The following TMOD1 variants were observed in gnomAD, a reference collection of about 807,000 sequenced individuals.
The protein encoded by TMOD1 is tropomodulin 1, also known as tropomodulin-1.
TMOD1 carries 17 observed loss-of-function variants against 40.6 expected under a neutral mutation model. The ratio of observed to expected loss-of-function variants is 0.42; its 90% CI spans 0.29 to 0.63. The LOEUF (loss-of-function observed/expected upper bound fraction) is 0.63. Among genes scored for constraint, TMOD1 ranks in the 20% least tolerant of loss-of-function variants. TMOD1 has a pLI of 0.22. For missense variants in TMOD1, 391 were observed against 447.6 expected (o/e 0.87, Z 1.14); for synonymous variants, 181 against 175.0 (o/e 1.03, Z -0.27).
At chr9:97,501,373 C>G (rs189726019), upstream of TMOD1, 7 of 152,386 alleles carry the variant, frequency 4.6e-5, no homozygotes, top group African/African-American at 1.4e-4. Flanking sequence ...AATCTGCCCA[C>G]CTTTTCCCAC....
chr9:97,579,667 G>T (rs2131280524), intron 8 of TMOD1, among the ~76,000 whole-genome samples: 1 of 152,302 alleles, frequency 6.6e-6, no homozygotes, highest in Admixed American at 6.5e-5. Flanking sequence ...TAATTATTTA[G>T]ATGTATAGAG....
intron 4 of TMOD1, among the ~76,000 whole-genome samples, chr9:97,559,772 T>TAAAAAAAAA (rs58522887): frequency 1.4e-4 from 5 of 36,846 alleles, no homozygotes; most frequent in East Asian, 1.6e-3. Context: ...CTCAAAAATT[T>TAAAAAAAAA]AAAAAAAAAA....
chr9:97,510,901 G>C (rs940512765), intron 1 of TMOD1, among the ~76,000 whole-genome samples: 9 of 152,140 alleles, frequency 5.9e-5, no homozygotes, highest in Non-Finnish European at 1.2e-4. Context: ...AGAGACATAG[G>C]AGGAGTGGAG....
intron 2 of TMOD1, among the ~76,000 whole-genome samples, chr9:97,532,698 T>G (rs1421720931): frequency 6.6e-6 from 1 of 151,990 alleles, no homozygotes; most frequent in Non-Finnish European, 1.5e-5. Flanking sequence ...TCTCTGCCAC[T>G]CTACTGAGCG....
chr9:97,520,399 GTTTGCAGTGGGCTCTCTGAACACACTGTT>G (rs1829895812), intron 1 of TMOD1, among the ~76,000 whole-genome samples: 1 of 152,128 alleles, frequency 6.6e-6, no homozygotes, highest in Non-Finnish European at 1.5e-5. Context: ...TTAAGACCGA[GTTTGCAGTGGGCTCTCTGAACACACTGTT>G]TTCGCCTCCC....
At chr9:97,568,419 T>G (rs1436765807) in intron 7 of TMOD1, among the ~76,000 whole-genome samples, 1 of 152,036 alleles carries the variant, frequency 6.6e-6, no homozygotes, top group Non-Finnish European at 1.5e-5. Flanking sequence ...CTATGAGGAT[T>G]TGAGAGGGTA....
intron 1 of TMOD1, among the ~76,000 whole-genome samples, chr9:97,508,277 C>T (rs2131205715): frequency 6.6e-6 from 1 of 152,190 alleles, no homozygotes; most frequent in African/African-American, 2.4e-5. Context: ...CAACCTCCGC[C>T]TCCCAGGTTC....
chr9:97,548,987 G>A, intron 3 of TMOD1, among the ~76,000 whole-genome samples: 1 of 152,064 alleles, frequency 6.6e-6, no homozygotes, highest in Admixed American at 6.5e-5. Flanking sequence ...TTGGGCTGCT[G>A]GGAAACAGCA....
chr9:97,508,057 T>TCACACA (rs56669574), intron 1 of TMOD1, among the ~76,000 whole-genome samples: 102 of 132,070 alleles, frequency 7.7e-4, no homozygotes, highest in Admixed American at 4.0e-3. Context: ...TCTTCCTGAT[T>TCACACA]CACACACACA....
chr9:97,598,164 A>G (rs1826154671), intron 9 of TMOD1, among the ~76,000 whole-genome samples: 1 of 152,006 alleles, frequency 6.6e-6, no homozygotes, highest in African/African-American at 2.4e-5. Context: ...CCCCATCTCT[A>G]CTAAAAACAC....
At chr9:97,568,753 C>A in intron 7 of TMOD1, 141 bp from the exon 8 acceptor site, 1 of 960,762 alleles carries the variant, frequency 1.0e-6, no homozygotes, top group Non-Finnish European at 1.6e-6. Context: ...AGAGGAGAGA[C>A]ACAGTCAGAG....
At chr9:97,510,991 G>T (rs902096529) in intron 1 of TMOD1, among the ~76,000 whole-genome samples, 1 of 152,044 alleles carries the variant, frequency 6.6e-6, no homozygotes, top group African/African-American at 2.4e-5. Flanking sequence ...GAACCCTGTT[G>T]CTTACAGATG....
At chr9:97,539,971 C>CAAAAAAAAAAAAA (rs34844299) in intron 2 of TMOD1, among the ~76,000 whole-genome samples, 15 of 71,558 alleles carry the variant, frequency 2.1e-4, no homozygotes, top group East Asian at 6.9e-4. Flanking sequence ...GACTCTGTCT[C>CAAAAAAAAAAAAA]AAAAAAAAAA....
chr9:97,557,232 G>A lies in TMOD1; in HGVS notation c.397+3832G>A, dbSNP rs1374407529. Among the ~76,000 whole-genome samples, 1 of 152,182 alleles carries A rather than the reference G, an allele frequency of 6.6e-6. No homozygotes were observed. The highest frequency in any genetic ancestry group is 2.4e-5 in the African/African-American group (1 of 41,436). On this transcript the variant is annotated intron_variant, in intron 4 of 9. Transcript: ENST00000259365. This position sits in a 1 kb window ranked among gnomAD's most constrained non-coding sequence, Gnocchi z 4.4. Reference sequence around the variant, plus strand: ...GCGTCCCTGCTGGGCAACAAGCAGAGTGCACAGGTTCCTGGCAGGGCTAAG... The same window carrying A: ...GCGTCCCTGCTGGGCAACAAGCAGAATGCACAGGTTCCTGGCAGGGCTAAG...
chr9:97,517,781 G>A (rs936979019), intron 1 of TMOD1: 15 of 152,886 alleles, frequency 9.8e-5, no homozygotes, highest in Non-Finnish European at 1.8e-4. Flanking sequence ...AACCAGGAGA[G>A]CTTCGCTGCA....
intron 4 of TMOD1, among the ~76,000 whole-genome samples, chr9:97,556,027 C>T (rs999568683): frequency 2.0e-5 from 3 of 151,588 alleles, no homozygotes; most frequent in African/African-American, 7.3e-5. Flanking sequence ...GCTCTGGATG[C>T]CACACCAAGG....
chr9:97,504,482 C>T (rs1055593512), intron 1 of TMOD1, among the ~76,000 whole-genome samples: 1 of 152,068 alleles, frequency 6.6e-6, no homozygotes, highest in African/African-American at 2.4e-5. Flanking sequence ...GTGAGAAGAA[C>T]CCAGGAGAGG....
intron 9 of TMOD1, among the ~76,000 whole-genome samples, chr9:97,598,839 T>G (rs1159365553): frequency 6.6e-6 from 1 of 152,212 alleles, no homozygotes; most frequent in African/African-American, 2.4e-5. Flanking sequence ...GCTTCCTGTC[T>G]CTGCCAACAC....
At chr9:97,568,468 G>A (rs1830766890) in intron 7 of TMOD1, among the ~76,000 whole-genome samples, 1 of 152,214 alleles carries the variant, frequency 6.6e-6, no homozygotes, top group South Asian at 2.1e-4. Flanking sequence ...AGAGTTCTTG[G>A]AGAAAGAGAC....
Sources: allele counts gnomAD v4.1 joint callset (sites outside exome capture counted in the v4.1 genomes callset), GRCh38; gene constraint gnomAD v4.1.1; non-coding constraint Gnocchi (gnomAD v3.1); transcripts MANE v1.5; gene names NCBI Gene and HGNC (gene_info 2026-07-23, HGNC 2026-07-21).